CKM: variants seen among roughly 807,000 people sequenced by gnomAD.
The protein encoded by CKM is creatine kinase M-type.
CKM carries 28 observed loss-of-function variants against 35.4 expected under a neutral mutation model. The observed-to-expected ratio is 0.79, with a 90% CI of 0.59 to 1.08. CKM has a LOEUF of 1.08. Ranked by LOEUF, CKM falls within the 50% of genes least tolerant of loss-of-function variation. The pLI is 0.00. For missense variants in CKM, 484 were observed against 509.8 expected (o/e 0.95, Z 0.49); for synonymous variants, 215 against 204.4 (o/e 1.05, Z -0.44).
chr19:45,320,002 G>A (rs1393920850), intron 1 of CKM, among the ~76,000 whole-genome samples: 1 of 151,858 alleles, frequency 6.6e-6, no homozygotes, highest in Non-Finnish European at 1.5e-5. Context: ...TGTTAGCCAG[G>A]ATAGTCTTGA....
At chr19:45,321,254 G>A (rs902722784) in intron 1 of CKM, among the ~76,000 whole-genome samples, 2 of 151,828 alleles carry the variant, frequency 1.3e-5, no homozygotes, top group East Asian at 1.9e-4. Context: ...GAAGGTGGAG[G>A]TGAGGGTGCT....
chr19:45,307,263 T>G (rs1459378155), intron 7 of CKM, among the ~76,000 whole-genome samples, 198 bp downstream of exon 7: 1 of 152,150 alleles, frequency 6.6e-6, no homozygotes, highest in Admixed American at 6.5e-5. Flanking sequence ...GCATATTATA[T>G]AATCATGAAA....
Position 45,306,863 on chromosome 19 carries a change from A to T in CKM, c.1033T>A (p.Ser345Thr), listed in dbSNP as rs759175697. 1 of 1,614,094 alleles carries T rather than the reference A, an allele frequency of 6.2e-7. No homozygotes were observed. The highest frequency in any genetic ancestry group is 8.5e-7 in the Non-Finnish European group (1 of 1,180,018). The change falls in exon 8 of 8, where the codon TCC becomes ACC. Residue 345 changes from serine (S) to threonine (T), a missense_variant. By Grantham distance (58) the Ser-to-Thr change is moderately conservative (BLOSUM62 1). Transcript: ENST00000221476. The surrounding 1 kb of genome is among the most constrained non-coding windows in gnomAD (Gnocchi z 4.5). ...DVSNADRLGS[S>T]EVEQVQLVVD... Reference sequence around the variant, plus strand: ...ACCAGCTGCACCTGTTCTACTTCGGACGAGCCCAGCCGATCAGCGTTGGAC... The same window carrying T: ...ACCAGCTGCACCTGTTCTACTTCGGTCGAGCCCAGCCGATCAGCGTTGGAC...
At chr19:45,322,348 G>A (rs1287648715) in intron 1 of CKM, among the ~76,000 whole-genome samples, 1 of 152,140 alleles carries the variant, frequency 6.6e-6, no homozygotes, top group Non-Finnish European at 1.5e-5. Flanking sequence ...GGACACTCAT[G>A]TGTCCGCTAC....
intron 2 of CKM, among the ~76,000 whole-genome samples, chr19:45,318,494 T>G (rs1599819941): frequency 1.4e-5 from 2 of 143,830 alleles, no homozygotes; most frequent in South Asian, 2.3e-4. Flanking sequence ...CTGGGAGGGG[T>G]CAAGGTGGGA....
chr19:45,309,138 G>C (rs897924643), intron 5 of CKM, among the ~76,000 whole-genome samples: 6 of 150,004 alleles, frequency 4.0e-5, no homozygotes, highest in Non-Finnish European at 7.4e-5. Context: ...TGAGGCAAGA[G>C]AATGGCGAGA....
Position 45,306,867 on chromosome 19 carries a change from G to C in CKM, c.1029C>G (p.Gly343=). The part of the protein sequence containing the change: ...VFDVSNADRL[G]SSEVEQVQLV... ...GCTGCACCTGTTCTACTTCGGACGAGCCCAGCCGATCAGCGTTGGACACGT... is the reference window on the plus strand; with the variant it reads ...GCTGCACCTGTTCTACTTCGGACGACCCCAGCCGATCAGCGTTGGACACGT... Residue 343 remains glycine (G), a synonymous_variant, in exon 8 of 8, where the codon GGC becomes GGG. Transcript: ENST00000221476. This position sits in a 1 kb window ranked among gnomAD's most constrained non-coding sequence, Gnocchi z 4.5. The C allele has an allele frequency of 6.2e-7, 1 of 1,614,216 alleles. No homozygotes were observed. Among genetic ancestry groups the C allele is most frequent in the South Asian group, 1.1e-5 (1 of 91,086 alleles).
At chr19:45,319,796 T>TTC in intron 1 of CKM, 65 bp from the exon 2 acceptor site, 1 of 389,908 alleles carries the variant, frequency 2.6e-6, no homozygotes, top group Non-Finnish European at 4.0e-6. Context: ...CTTCTTCTTC[T>TTC]TTTTTTTTTT....
intron 4 of CKM, among the ~76,000 whole-genome samples, 160 bp from the exon 5 acceptor site, chr19:45,312,080 C>T (rs977678304): frequency 9.9e-5 from 15 of 152,204 alleles, no homozygotes; most frequent in South Asian, 8.3e-4. Flanking sequence ...ACACTTGTGA[C>T]GGCTCCCCAA....
intron 3 of CKM, among the ~76,000 whole-genome samples, chr19:45,316,737 C>T (rs1236940452): frequency 6.6e-6 from 1 of 151,984 alleles, no homozygotes; most frequent in Non-Finnish European, 1.5e-5. Flanking sequence ...ATGCTCCCTT[C>T]TGTCTCCCTC....
Position 45,314,474 on chromosome 19 carries a change from C to T in CKM, c.481+991G>A, listed in dbSNP as rs113277764. Among the ~76,000 whole-genome samples the T allele has an allele frequency of 4.9e-3, 750 of 151,964 alleles. 6 individuals are homozygous for T. The highest frequency in any genetic ancestry group is 0.017 in the African/African-American group (699 of 41,420). Reference sequence around the variant, plus strand: ...TGTCCCCCAGGCTGGAGTGCAGTGGCGTGATCTCAGCTCACTGCAACCTCT... The same window carrying T: ...TGTCCCCCAGGCTGGAGTGCAGTGGTGTGATCTCAGCTCACTGCAACCTCT... On this transcript the variant is annotated intron_variant, in intron 4 of 7. Transcript: ENST00000221476.
chr19:45,319,878 C>T (rs1293604211), intron 1 of CKM, 147 bp from the exon 2 acceptor site: 1 of 641,084 alleles, frequency 1.6e-6, no homozygotes, highest in Non-Finnish European at 2.7e-6. Context: ...GCAAGCTCCA[C>T]CTCCTGGGTT....
chr19:45,320,402 C>T (rs1031786644), intron 1 of CKM, among the ~76,000 whole-genome samples: 3 of 152,314 alleles, frequency 2.0e-5, no homozygotes, highest in South Asian at 4.1e-4. Context: ...CCGCCTAGCT[C>T]GCATCTTGCA....
intron 5 of CKM, among the ~76,000 whole-genome samples, chr19:45,310,856 C>T (rs1302187202): frequency 4.8e-5 from 7 of 146,110 alleles, no homozygotes; most frequent in Admixed American, 1.4e-4. Context: ...CTGCAAGCTC[C>T]GCCTCTTGGG....
chr19:45,311,992 C>T, intron 4 of CKM, 72 bp from the exon 5 acceptor site: 1 of 1,547,418 alleles, frequency 6.5e-7, no homozygotes, highest in Non-Finnish European at 8.9e-7. Flanking sequence ...CCAGGGTTTC[C>T]CCTGCTGCTG....
intron 3 of CKM, among the ~76,000 whole-genome samples, chr19:45,317,561 A>G (rs1166928534): frequency 3.3e-5 from 5 of 150,366 alleles, no homozygotes; most frequent in African/African-American, 1.2e-4. Context: ...TGCTGGGATT[A>G]CAGGCGTGAG....
chr19:45,312,013 G>A (rs1034105957), intron 4 of CKM, 93 bp from the exon 5 acceptor site: 1 of 1,460,002 alleles, frequency 6.8e-7, no homozygotes. Context: ...CTCCTAACGG[G>A]CCTGGGCCTT....
intron 5 of CKM, among the ~76,000 whole-genome samples, chr19:45,310,971 G>A (rs540356740): frequency 1.5e-4 from 21 of 142,162 alleles, no homozygotes; most frequent in East Asian, 1.0e-3. Flanking sequence ...TAGTAGAGAC[G>A]GGGTTTCACC....
intron 4 of CKM, among the ~76,000 whole-genome samples, chr19:45,312,810 C>T (rs985943116): frequency 2.6e-5 from 4 of 151,690 alleles, no homozygotes; most frequent in African/African-American, 9.7e-5. Context: ...AAAAATTAGT[C>T]GGCCATGGTG....
Sources: gnomAD v4.1 joint callset for allele counts (sites outside exome capture counted in the v4.1 genomes callset) on GRCh38, gnomAD v4.1.1 for gene constraint, Gnocchi (gnomAD v3.1) non-coding constraint, MANE v1.5 for transcripts, NCBI Gene and HGNC (gene_info 2026-07-23, HGNC 2026-07-21) for gene names.